Variants in SDK1 observed in about 807,000 individuals in gnomAD.
SDK1 encodes sidekick cell adhesion molecule 1.
Under a neutral mutation model 245.5 loss-of-function variants are expected in SDK1, and 157 were observed. That is an observed-to-expected ratio of 0.64 (90% CI 0.56 to 0.73). SDK1 has a LOEUF of 0.73. SDK1 is among the 30% of genes least tolerant of loss of function. The pLI is 0.00. For synonymous variants in SDK1, 1,647 were observed against 1,278.5 expected, an observed-to-expected ratio of 1.29 and a Z score of -6.15; for missense variants, 3,583 against 3,002.3, an observed-to-expected ratio of 1.19 and a Z score of -4.52.
intron 1 of SDK1, among the ~76,000 whole-genome samples, chr7:3,343,132 A>G (rs1224337864): frequency 2.0e-5 from 3 of 152,228 alleles, no homozygotes. Context: ...AACTAAACGT[A>G]GAACTATGAT....
At chr7:3,479,935 T>C (rs1781460533) in intron 1 of SDK1, among the ~76,000 whole-genome samples, 1 of 152,158 alleles carries the variant, frequency 6.6e-6, no homozygotes, top group Admixed American at 6.5e-5. Flanking sequence ...CAATTTTTTC[T>C]TTATATGCTT....
chr7:4,247,542 G>A (rs917682037), intron 44 of SDK1, among the ~76,000 whole-genome samples: 1 of 152,252 alleles, frequency 6.6e-6, no homozygotes, highest in Non-Finnish European at 1.5e-5. Context: ...CAGCCTTCGA[G>A]CAGGACAGTC....
intron 4 of SDK1, among the ~76,000 whole-genome samples, chr7:3,700,152 G>A (rs1038945422): frequency 6.6e-6 from 1 of 152,174 alleles, no homozygotes; most frequent in Admixed American, 6.5e-5. Flanking sequence ...CAAATGAAGG[G>A]AAAACTAAAG....
chr7:3,501,004 C>G (rs1188457545), intron 1 of SDK1, among the ~76,000 whole-genome samples: 1 of 152,022 alleles, frequency 6.6e-6, no homozygotes, highest in Admixed American at 6.5e-5. Flanking sequence ...GAAGTTTTCT[C>G]TGCATACTTT....
chr7:3,302,122 A>G lies in SDK1; in HGVS notation c.298+238A>G, dbSNP rs553777373. ...TTGCGTTTTATTTTTTTTATACCGC[A>G]GTAGCACAAACAAAAATTTTTAAGT... On this transcript the variant is annotated intron_variant, in intron 1 of 44. Coordinates refer to ENST00000404826, the MANE Select transcript of SDK1 (RefSeq NM_152744.4). 8.6e-4 allele frequency: 171 copies of G among 198,554 alleles called. 2 individuals carry two copies. Among genetic ancestry groups the G allele is most frequent in the African/African-American group, 3.8e-3 (161 of 42,652 alleles). The allele number at this position is 198,554 out of a possible 1,614,324, so 12.3% of individuals were successfully genotyped here.
chr7:3,357,979 T>G (rs1167365072), intron 1 of SDK1, among the ~76,000 whole-genome samples: 1 of 152,182 alleles, frequency 6.6e-6, no homozygotes, highest in African/African-American at 2.4e-5. Context: ...ATTAATGATA[T>G]TCATAGATTG....
chr7:4,248,345 TGCACACACAC>T (rs1310831511), intron 44 of SDK1, among the ~76,000 whole-genome samples: 1 of 142,386 alleles, frequency 7.0e-6, no homozygotes, highest in Non-Finnish European at 1.6e-5. Flanking sequence ...CCTGAATACA[TGCACACACAC>T]GTTTACCTAA....
chr7:3,784,822 A>G (rs1244367093), intron 4 of SDK1, among the ~76,000 whole-genome samples: 1 of 152,214 alleles, frequency 6.6e-6, no homozygotes, highest in African/African-American at 2.4e-5. Context: ...GAGAAATAGA[A>G]CTGCCATATG....
chr7:4,186,660 G>A (rs964903454), intron 35 of SDK1, among the ~76,000 whole-genome samples: 6 of 152,134 alleles, frequency 3.9e-5, no homozygotes, highest in South Asian at 4.1e-4. Flanking sequence ...AAGGGCTGCC[G>A]TCAATGAGTA....
intron 5 of SDK1, among the ~76,000 whole-genome samples, chr7:3,904,353 G>T (rs1583539086): frequency 6.6e-6 from 1 of 152,074 alleles, no homozygotes; most frequent in African/African-American, 2.4e-5. Context: ...AAATACTCTG[G>T]AACTAGGAAG....
intron 24 of SDK1, among the ~76,000 whole-genome samples, chr7:4,113,695 G>A (rs190280171): frequency 6.6e-6 from 1 of 152,306 alleles, no homozygotes; most frequent in East Asian, 1.9e-4. Flanking sequence ...AAAGCTGGGG[G>A]TGCCTCACAC....
chr7:3,740,355 C>T (rs139256915), intron 4 of SDK1, among the ~76,000 whole-genome samples: 1 of 152,288 alleles, frequency 6.6e-6, no homozygotes, highest in Non-Finnish European at 1.5e-5. Context: ...ATGGCCATGT[C>T]ATTCTCCAGT....
intron 5 of SDK1, among the ~76,000 whole-genome samples, chr7:3,948,840 T>C (rs1780681568): frequency 6.6e-6 from 1 of 152,242 alleles, no homozygotes; most frequent in Admixed American, 6.5e-5. Context: ...CTTCCTCATC[T>C]GCCACCGTGG....
intron 4 of SDK1, among the ~76,000 whole-genome samples, chr7:3,745,997 A>C (rs1779606655): frequency 6.6e-6 from 1 of 152,158 alleles, no homozygotes; most frequent in Admixed American, 6.5e-5. Flanking sequence ...CTCTCTGTAG[A>C]GGTTTCCCTC....
intron 1 of SDK1, among the ~76,000 whole-genome samples, chr7:3,390,555 A>C (rs1781723415): frequency 6.6e-6 from 1 of 152,224 alleles, no homozygotes; most frequent in Admixed American, 6.5e-5. Context: ...GTAATTAAAT[A>C]AGATGAGGTC....
chr7:3,949,202 GC>G (rs552571835), intron 5 of SDK1, among the ~76,000 whole-genome samples: 1 of 152,194 alleles, frequency 6.6e-6, no homozygotes, highest in Non-Finnish European at 1.5e-5. Context: ...GGCTGCCTCA[GC>G]CCCCCAGGGA....
At chr7:3,483,091 A>T (rs1781568161) in intron 1 of SDK1, among the ~76,000 whole-genome samples, 1 of 152,154 alleles carries the variant, frequency 6.6e-6, no homozygotes, top group South Asian at 2.1e-4. Flanking sequence ...GTTTTCTTAC[A>T]TATTTTATGT....
intron 5 of SDK1, among the ~76,000 whole-genome samples, chr7:3,846,122 C>A (rs569018761): frequency 6.6e-6 from 1 of 152,154 alleles, no homozygotes; most frequent in Admixed American, 6.5e-5. Context: ...GTTTAGGTTG[C>A]TGAGAAATGA....
chr7:3,436,700 A>T (rs1780031828), intron 1 of SDK1, among the ~76,000 whole-genome samples: 1 of 152,166 alleles, frequency 6.6e-6, no homozygotes, highest in Non-Finnish European at 1.5e-5. Flanking sequence ...AGGTGACTGA[A>T]CCTTAAAAGA....
Sources: allele counts gnomAD v4.1 joint callset (sites outside exome capture counted in the v4.1 genomes callset), GRCh38; gene constraint gnomAD v4.1.1; transcripts MANE v1.5; gene names NCBI Gene and HGNC (gene_info 2026-07-23, HGNC 2026-07-21).